MTSS1: variants seen among roughly 807,000 people sequenced by gnomAD.
MTSS1 encodes the protein protein MTSS 1.
Under a neutral mutation model 79.0 loss-of-function variants are expected in MTSS1, and 18 were observed. The ratio of observed to expected loss-of-function variants is 0.23; its 90% confidence interval spans 0.16 to 0.34. The LOEUF (loss-of-function observed/expected upper bound fraction) is 0.34. Ranked by LOEUF, MTSS1 falls within the 10% of genes least tolerant of loss-of-function variation. The pLI, the probability that MTSS1 is intolerant of heterozygous loss-of-function variation, is 1.00. For missense variants in MTSS1, 815 were observed against 986.2 expected, an observed-to-expected ratio of 0.83 and a Z score of 2.33; for synonymous variants, 341 against 368.6, an observed-to-expected ratio of 0.93 and a Z score of 0.86.
Position 124,728,153 on chromosome 8 carries a change from AC to A in MTSS1, c.-199del, listed in dbSNP as rs1404970423. 11 of 490,918 alleles carry A rather than the reference AC, an allele frequency of 2.2e-5. No homozygotes were observed. In the East Asian group the frequency reaches 3.7e-4, roughly 16 times the overall value. The allele number at this position is 490,918 out of a possible 1,614,324, so 30.4% of individuals were successfully genotyped here. ...TAATAACAGTAATTTAAAAAGCCAA[AC>A]CGCTCTGTAGGGTATTCGCCTACAA... On this transcript the variant is annotated 5_prime_UTR_variant, in exon 1 of 14. Coordinates refer to ENST00000518547, the MANE Select transcript of MTSS1 (RefSeq NM_014751.6). The surrounding 1 kb of genome is among the most constrained non-coding windows in gnomAD (Gnocchi z 6.1).
At chr8:124,614,594 T>C (rs1016403332) in intron 3 of MTSS1, among the ~76,000 whole-genome samples, 2 of 152,236 alleles carry the variant, frequency 1.3e-5, no homozygotes, top group Non-Finnish European at 2.9e-5. Flanking sequence ...GGTATGTTTT[T>C]TCCCCAAAGA....
intron 3 of MTSS1, among the ~76,000 whole-genome samples, chr8:124,658,835 G>A (rs753570407): frequency 6.6e-6 from 1 of 152,180 alleles, no homozygotes; most frequent in Non-Finnish European, 1.5e-5. Context: ...AATTCAACAT[G>A]AGATTTGGGC....
Position 124,713,164 on chromosome 8 carries a change from C to G in MTSS1, c.73-8973G>C, listed in dbSNP as rs564060237. On this transcript the variant is annotated intron_variant, in intron 1 of 13. Coordinates refer to ENST00000518547, the MANE Select transcript of MTSS1 (RefSeq NM_014751.6). ...CACTAGCCACACCTCAAGTGCTCTGCAGTGGCTAGTGGATACCGTACTGGA... is the reference window on the plus strand; with the variant it reads ...CACTAGCCACACCTCAAGTGCTCTGGAGTGGCTAGTGGATACCGTACTGGA... 1.7e-4 allele frequency among the ~76,000 whole-genome samples: 26 copies of G among 152,302 alleles called. No homozygotes were observed. In the South Asian group the frequency reaches 5.2e-3, roughly 30 times the overall value.
chr8:124,608,745 T>C (rs760430336), intron 3 of MTSS1, among the ~76,000 whole-genome samples: 3 of 152,198 alleles, frequency 2.0e-5, no homozygotes, highest in Non-Finnish European at 4.4e-5. Flanking sequence ...TATGGATGCC[T>C]GGGGCACTGT....
chr8:124,622,072 G>C (rs1406475124), intron 3 of MTSS1, among the ~76,000 whole-genome samples: 2 of 151,124 alleles, frequency 1.3e-5, no homozygotes, highest in Non-Finnish European at 2.9e-5. Context: ...GAGAGAGAGA[G>C]AGAGAGAGAG....
chr8:124,725,708 C>A (rs965195133), intron 1 of MTSS1, among the ~76,000 whole-genome samples: 4 of 152,200 alleles, frequency 2.6e-5, no homozygotes, highest in Admixed American at 1.3e-4. Flanking sequence ...TGCATCTGCA[C>A]ACTATATACT....
intron 3 of MTSS1, among the ~76,000 whole-genome samples, chr8:124,654,956 C>T (rs1159773224): frequency 6.6e-6 from 1 of 152,214 alleles, no homozygotes; most frequent in African/African-American, 2.4e-5. Flanking sequence ...AATGCCGAAA[C>T]TTCTAACTAA....
intron 3 of MTSS1, among the ~76,000 whole-genome samples, chr8:124,655,083 C>A (rs2134245567): frequency 6.6e-6 from 1 of 152,340 alleles, no homozygotes; most frequent in African/African-American, 2.4e-5. Context: ...GCCCCCTAAA[C>A]AGCAGAGCAG....
At chr8:124,612,932 G>C (rs1836148407) in intron 3 of MTSS1, among the ~76,000 whole-genome samples, 1 of 152,100 alleles carries the variant, frequency 6.6e-6, no homozygotes. Flanking sequence ...TCCGTAGGCA[G>C]GCTATCCCTG....
chr8:124,623,644 T>A (rs1305257707), intron 3 of MTSS1, among the ~76,000 whole-genome samples: 2 of 152,146 alleles, frequency 1.3e-5, no homozygotes, highest in Non-Finnish European at 2.9e-5. Context: ...TGTTTGTTTG[T>A]TTGTTTTGAG....
intron 3 of MTSS1, among the ~76,000 whole-genome samples, chr8:124,696,081 G>A (rs529401108): frequency 1.3e-5 from 2 of 152,022 alleles, no homozygotes; most frequent in Admixed American, 6.5e-5. Context: ...TCCACCTCCC[G>A]AGTTCAAGCG....
intron 10 of MTSS1, among the ~76,000 whole-genome samples, chr8:124,562,181 G>A (rs527868733): frequency 2.5e-4 from 38 of 152,322 alleles, no homozygotes; most frequent in South Asian, 1.2e-3. Context: ...TTCTGCTCCA[G>A]CTGGAACCAC....
intron 3 of MTSS1, among the ~76,000 whole-genome samples, chr8:124,693,972 G>T (rs1828376789): frequency 6.6e-6 from 1 of 152,254 alleles, no homozygotes; most frequent in South Asian, 2.1e-4. Flanking sequence ...CCCAGAGAAG[G>T]GAAATATTTA....
chr8:124,606,390 C>T (rs894044837), intron 3 of MTSS1, among the ~76,000 whole-genome samples: 3 of 151,864 alleles, frequency 2.0e-5, no homozygotes, highest in South Asian at 2.1e-4. Flanking sequence ...CTCAAGTGAT[C>T]CACCTGCCTC....
chr8:124,562,137 G>T (rs1307959129), intron 10 of MTSS1, among the ~76,000 whole-genome samples: 1 of 152,208 alleles, frequency 6.6e-6, no homozygotes, highest in African/African-American at 2.4e-5. Flanking sequence ...TGATGCACAT[G>T]AAGAGTGTTC....
chr8:124,725,089 C>G (rs968634255), intron 1 of MTSS1, among the ~76,000 whole-genome samples: 3 of 152,192 alleles, frequency 2.0e-5, no homozygotes, highest in Non-Finnish European at 4.4e-5. Context: ...AACAAACCAC[C>G]AGGCTTCCTC....
At chr8:124,587,138 C>T (rs1463257500) in intron 5 of MTSS1, among the ~76,000 whole-genome samples, 2 of 152,134 alleles carry the variant, frequency 1.3e-5, no homozygotes, top group Non-Finnish European at 2.9e-5. Context: ...GAGAGACCTG[C>T]GCAGGAGAGC....
intron 3 of MTSS1, among the ~76,000 whole-genome samples, chr8:124,596,863 G>A (rs1027110672): frequency 1.3e-5 from 2 of 152,216 alleles, no homozygotes; most frequent in African/African-American, 4.8e-5. Context: ...CATAAGACAC[G>A]TGTGAAGGCA....
chr8:124,562,582 T>C lies in MTSS1; in HGVS notation c.1035+200A>G, dbSNP rs373654400. On this transcript the variant is annotated intron_variant, in intron 10 of 13. Coordinates refer to ENST00000518547, the MANE Select transcript of MTSS1 (RefSeq NM_014751.6). Reference sequence around the variant, plus strand: ...TGTGGTAATGCAACCATTACCACCATGGAGACAGGCTTCAAACCCACTTAT... The same window carrying C: ...TGTGGTAATGCAACCATTACCACCACGGAGACAGGCTTCAAACCCACTTAT... 1.1e-4 allele frequency among the ~76,000 whole-genome samples: 16 copies of C among 152,332 alleles called. No individual in the cohort carries two copies. The South Asian group carries it at 3.3e-3, about 32-fold the overall frequency.
Sources: gnomAD v4.1 joint callset for allele counts (sites outside exome capture counted in the v4.1 genomes callset) on GRCh38, gnomAD v4.1.1 for gene constraint, Gnocchi (gnomAD v3.1) non-coding constraint, MANE v1.5 for transcripts, NCBI Gene and HGNC (gene_info 2026-07-23, HGNC 2026-07-21) for gene names.